Variants in CTTNBP2NL observed in about 807,000 individuals in gnomAD.
CTTNBP2NL encodes the protein CTTNBP2 N-terminal like.
A neutral mutation model predicts 32.5 loss-of-function variants in CTTNBP2NL; 16 were observed. The ratio of observed to expected loss-of-function variants is 0.49; its 90% CI spans 0.33 to 0.75. CTTNBP2NL has a LOEUF of 0.75. Among genes scored for constraint, CTTNBP2NL ranks in the 30% least tolerant of loss-of-function variants. CTTNBP2NL has a pLI of 0.02. For synonymous variants in CTTNBP2NL, 298 were observed against 289.4 expected (o/e 1.03, Z -0.30); for missense variants, 645 against 756.0 (o/e 0.85, Z 1.72).
intron 3 of CTTNBP2NL, among the ~76,000 whole-genome samples, chr1:112,443,932 A>G (rs1175635): frequency 3.2e-4 from 48 of 152,324 alleles, no homozygotes; most frequent in African/African-American, 1.1e-3. Context: ...TTGACAGTAA[A>G]TAGATTCAGT....
chr1:112,408,823 A>AT (rs1352333269), intron 1 of CTTNBP2NL, among the ~76,000 whole-genome samples: 1 of 151,996 alleles, frequency 6.6e-6, no homozygotes. Flanking sequence ...CTTGGCTTAT[A>AT]TGTATTGAAA....
intron 3 of CTTNBP2NL, among the ~76,000 whole-genome samples, chr1:112,416,713 G>A (rs1413194547): frequency 6.6e-6 from 1 of 151,982 alleles, no homozygotes; most frequent in Non-Finnish European, 1.5e-5. Flanking sequence ...GGATGGTCTT[G>A]ATCTCTTGAC....
At chr1:112,447,560 A>AC (rs1256080415) in intron 3 of CTTNBP2NL, among the ~76,000 whole-genome samples, 1 of 152,166 alleles carries the variant, frequency 6.6e-6, no homozygotes, top group East Asian at 1.9e-4. Context: ...GTAAAATTTT[A>AC]CCATAAGGCT....
At chr1:112,412,923 C>T (rs767848526) in intron 2 of CTTNBP2NL, among the ~76,000 whole-genome samples, 11 of 152,002 alleles carry the variant, frequency 7.2e-5, no homozygotes, top group Non-Finnish European at 1.3e-4. Context: ...CATGCCTAGC[C>T]GAGTTGGGAC....
intron 3 of CTTNBP2NL, among the ~76,000 whole-genome samples, chr1:112,446,758 C>T (rs1348923761): frequency 6.6e-6 from 1 of 152,104 alleles, no homozygotes; most frequent in East Asian, 1.9e-4. Flanking sequence ...CTATTTTGCC[C>T]AGTTTGGTCT....
chr1:112,437,954 A>G (rs1469430815), intron 3 of CTTNBP2NL, among the ~76,000 whole-genome samples: 3 of 152,194 alleles, frequency 2.0e-5, no homozygotes, highest in Non-Finnish European at 4.4e-5. Context: ...GCCCTTAAGT[A>G]ATTAGATCCC....
chr1:112,412,607 C>CT (rs1648905732), intron 2 of CTTNBP2NL, among the ~76,000 whole-genome samples: 1 of 126,518 alleles, frequency 7.9e-6, no homozygotes, highest in African/African-American at 3.1e-5. Context: ...TGAGTTGGTA[C>CT]CTTTTTTTTT....
Position 112,459,443 on chromosome 1 carries a change from T to C in CTTNBP2NL, c.*2031T>C, listed in dbSNP as rs562483972. ...CCCTGACCTCCTGCTATAATTTAAG[T>C]CTATTTCCTTTTAATCTAATAAGAG... On this transcript the variant is annotated 3_prime_UTR_variant, in exon 6 of 6. Coordinates refer to ENST00000271277, the MANE Select transcript of CTTNBP2NL (RefSeq NM_018704.3). 1.3e-5 allele frequency: 2 copies of C among 152,340 alleles called. No homozygotes were observed. The highest frequency in any genetic ancestry group is 4.1e-4 in the South Asian group (2 of 4,822). The allele number at this position is 152,340 out of a possible 1,614,324, so 9.4% of individuals were successfully genotyped here. A position where few individuals can be genotyped will look rare whatever the true frequency, so the allele number is the denominator to read the frequency against.
intron 3 of CTTNBP2NL, among the ~76,000 whole-genome samples, chr1:112,448,508 T>TA (rs1319878134): frequency 2.0e-5 from 3 of 152,190 alleles, no homozygotes; most frequent in African/African-American, 7.2e-5. Flanking sequence ...CTGCTGGTAA[T>TA]ATAAGCATTC....
At chr1:112,428,043 A>G (rs1450506307) in intron 3 of CTTNBP2NL, among the ~76,000 whole-genome samples, 1 of 152,156 alleles carries the variant, frequency 6.6e-6, no homozygotes, top group Non-Finnish European at 1.5e-5. Context: ...GACAAAATTA[A>G]ATATATCCTT....
intron 3 of CTTNBP2NL, among the ~76,000 whole-genome samples, chr1:112,426,797 G>T (rs1413700587): frequency 6.6e-6 from 1 of 151,798 alleles, no homozygotes; most frequent in Non-Finnish European, 1.5e-5. Flanking sequence ...CTATAGACAA[G>T]GTTTCACCAT....
chr1:112,456,605 G>C lies in CTTNBP2NL; in HGVS notation c.1113G>C (p.Gln371His). 1 of 1,614,038 alleles carries C rather than the reference G, an allele frequency of 6.2e-7. No homozygotes were observed. The highest frequency in any genetic ancestry group is 8.5e-7 in the Non-Finnish European group (1 of 1,179,988). Reference protein sequence around the residue: ...ELTAGNNVENQVPPREKSVAL... With the variant: ...ELTAGNNVENHVPPREKSVAL... ...CTGCAGGCAACAATGTAGAAAACCA[G>C]GTGCCTCCACGGGAAAAATCTGTGG... Residue 371 changes from glutamine to histidine, a missense_variant, in exon 6 of 6, where the codon CAG becomes CAC. Physicochemically the swap from Gln to His is conservative, Grantham distance 24. Coordinates refer to ENST00000271277, the MANE Select transcript of CTTNBP2NL (RefSeq NM_018704.3).
intron 3 of CTTNBP2NL, among the ~76,000 whole-genome samples, chr1:112,428,438 T>C (rs1024677249): frequency 6.6e-6 from 1 of 152,170 alleles, no homozygotes; most frequent in Admixed American, 6.5e-5. Flanking sequence ...GTTCCTGATA[T>C]TAAGTTAATA....
At chr1:112,432,350 C>T (rs181287730) in intron 3 of CTTNBP2NL, among the ~76,000 whole-genome samples, 126 of 152,054 alleles carry the variant, frequency 8.3e-4, no homozygotes, top group African/African-American at 2.8e-3. Flanking sequence ...CGTGAGCCAC[C>T]GCGCCGGGCC....
At chr1:112,433,129 C>T (rs1649616868) in intron 3 of CTTNBP2NL, among the ~76,000 whole-genome samples, 1 of 152,128 alleles carries the variant, frequency 6.6e-6, no homozygotes. Context: ...GCTCCCATCA[C>T]ATACTGTTCA....
chr1:112,397,466 T>G (rs1648364094), intron 1 of CTTNBP2NL, among the ~76,000 whole-genome samples: 1 of 152,232 alleles, frequency 6.6e-6, no homozygotes, highest in African/African-American at 2.4e-5. Flanking sequence ...ATATTTTGAT[T>G]GGTTTTACGA....
intron 3 of CTTNBP2NL, among the ~76,000 whole-genome samples, chr1:112,446,667 C>T (rs1183706627): frequency 6.6e-6 from 1 of 152,204 alleles, no homozygotes; most frequent in Non-Finnish European, 1.5e-5. Flanking sequence ...CCTCCTGCTT[C>T]AGCCTCCCAA....
intron 5 of CTTNBP2NL, among the ~76,000 whole-genome samples, chr1:112,455,070 G>T (rs183430442): frequency 6.6e-6 from 1 of 152,016 alleles, no homozygotes; most frequent in Non-Finnish European, 1.5e-5. Context: ...AATTCTAGTC[G>T]TGGCTCAGTT....
chr1:112,411,845 G>T (rs182768237), intron 1 of CTTNBP2NL, among the ~76,000 whole-genome samples: 191 of 152,280 alleles, frequency 1.3e-3, no homozygotes, highest in Middle Eastern at 6.8e-3. Flanking sequence ...ACCACGCCCG[G>T]CTAAATCTAA....
Sources: gnomAD v4.1 joint callset for allele counts (sites outside exome capture counted in the v4.1 genomes callset) on GRCh38, gnomAD v4.1.1 for gene constraint, MANE v1.5 for transcripts, NCBI Gene and HGNC (gene_info 2026-07-23, HGNC 2026-07-21) for gene names.